RPSA2: variants seen among roughly 807,000 people sequenced by gnomAD.
The protein encoded by RPSA2 is small ribosomal subunit protein uS2B.
the RPSA2 span, among the ~76,000 whole-genome samples, chr19:23,851,607 T>A: frequency 0.011 from 1,705 of 152,304 alleles, 18 homozygotes; most frequent in Non-Finnish European, 0.017. Flanking sequence ...AGACAATATT[T>A]AAAGGTTTGG....
At chr19:23,852,871 A>G in the RPSA2 span, among the ~76,000 whole-genome samples, 1 of 152,256 alleles carries the variant, frequency 6.6e-6, no homozygotes, top group Non-Finnish European at 1.5e-5. Context: ...TACATTCTTT[A>G]TCAACTGCCA....
chr19:23,867,846 AAAG>A, the RPSA2 span, among the ~76,000 whole-genome samples: 1 of 151,818 alleles, frequency 6.6e-6, no homozygotes, highest in African/African-American at 2.4e-5. Flanking sequence ...AAAAAAAAAA[AAAG>A]GATTGGGACA....
At chr19:23,779,577 A>G in the RPSA2 span, among the ~76,000 whole-genome samples, 11 of 152,342 alleles carry the variant, frequency 7.2e-5, no homozygotes, top group Admixed American at 7.2e-4. Context: ...GAACCCTGTC[A>G]GAAGGAAAGA....
the RPSA2 span, among the ~76,000 whole-genome samples, chr19:23,838,509 T>G: frequency 1.3e-5 from 2 of 152,174 alleles, no homozygotes; most frequent in Non-Finnish European, 2.9e-5. Flanking sequence ...CTTCTTTGAA[T>G]TTCTGGTAGA....
the RPSA2 span, among the ~76,000 whole-genome samples, chr19:23,793,765 C>T: frequency 6.6e-6 from 1 of 151,972 alleles, no homozygotes; most frequent in African/African-American, 2.4e-5. Flanking sequence ...AGGATTTCAC[C>T]ATGTTGGCCA....
chr19:23,854,857 T>A, the RPSA2 span, among the ~76,000 whole-genome samples: 1 of 152,276 alleles, frequency 6.6e-6, no homozygotes, highest in East Asian at 1.9e-4. Flanking sequence ...CTTTAATATA[T>A]GCAGGCAACA....
the RPSA2 span, among the ~76,000 whole-genome samples, chr19:23,861,387 C>T: frequency 1.3e-5 from 2 of 152,132 alleles, no homozygotes; most frequent in Admixed American, 6.5e-5. Flanking sequence ...AGAGAGCCCC[C>T]CCACTACCCA....
At chr19:23,800,101 T>A in the RPSA2 span, among the ~76,000 whole-genome samples, 1 of 150,854 alleles carries the variant, frequency 6.6e-6, no homozygotes, top group Admixed American at 6.6e-5. Flanking sequence ...TGATCTCAGC[T>A]CTTTGCAACC....
At chr19:23,848,374 G>C in the RPSA2 span, among the ~76,000 whole-genome samples, 5 of 152,144 alleles carry the variant, frequency 3.3e-5, no homozygotes, top group East Asian at 9.7e-4. Context: ...GACTGGTCCA[G>C]CACACTAAAA....
the RPSA2 span, among the ~76,000 whole-genome samples, chr19:23,830,887 T>C: frequency 6.6e-6 from 1 of 152,316 alleles, no homozygotes. Context: ...CCTGTCAAAA[T>C]CTTTATAATG....
At chr19:23,863,197 C>A in the RPSA2 span, among the ~76,000 whole-genome samples, 1 of 152,136 alleles carries the variant, frequency 6.6e-6, no homozygotes, top group African/African-American at 2.4e-5. Context: ...GCAAACTTGG[C>A]TAAGAAATGC....
chr19:23,759,681 G>A, the RPSA2 span, among the ~76,000 whole-genome samples: 1 of 151,744 alleles, frequency 6.6e-6, no homozygotes, highest in East Asian at 1.9e-4. Flanking sequence ...GTGCCACCAT[G>A]CCCGGCTAAT....
the RPSA2 span, among the ~76,000 whole-genome samples, chr19:23,807,648 CAGAGTT>C: frequency 2.6e-5 from 4 of 151,750 alleles, no homozygotes; most frequent in Admixed American, 1.3e-4. Flanking sequence ...TCTCTTTTCT[CAGAGTT>C]AGAGAATACA....
At chr19:23,855,370 C>G in the RPSA2 span, among the ~76,000 whole-genome samples, 1 of 152,076 alleles carries the variant, frequency 6.6e-6, no homozygotes, top group African/African-American at 2.4e-5. Context: ...TCTGTAATAC[C>G]ATTTTAGCAT....
chr19:23,856,149 G>C, the RPSA2 span, among the ~76,000 whole-genome samples: 1 of 151,946 alleles, frequency 6.6e-6, no homozygotes, highest in African/African-American at 2.4e-5. Context: ...GTAGAGAGAG[G>C]GTTGCCAGAT....
At chr19:23,837,183 GT>G in the RPSA2 span, among the ~76,000 whole-genome samples, 8 of 152,184 alleles carry the variant, frequency 5.3e-5, no homozygotes, top group Middle Eastern at 3.4e-3. Flanking sequence ...TGAGGATCCA[GT>G]TTTATTCTCC....
chr19:23,851,325 T>C, the RPSA2 span, among the ~76,000 whole-genome samples: 8 of 152,176 alleles, frequency 5.3e-5, no homozygotes, highest in Non-Finnish European at 1.0e-4. Context: ...AGAGCAAATT[T>C]ATCTTTTAAT....
the RPSA2 span, chr19:23,832,412 C>A: frequency 2.0e-6 from 1 of 506,288 alleles, no homozygotes; most frequent in Non-Finnish European, 4.0e-6. Flanking sequence ...TGTGGCAAAG[C>A]ATTAATTCAA....
At chr19:23,856,630 GA>G in the RPSA2 span, among the ~76,000 whole-genome samples, 1 of 152,240 alleles carries the variant, frequency 6.6e-6, no homozygotes, top group East Asian at 1.9e-4. Context: ...GATATTGGGG[GA>G]ACTTGCCCCC....
Sources: gnomAD v4.1 joint callset for allele counts (sites outside exome capture counted in the v4.1 genomes callset) on GRCh38, gnomAD v4.1.1 for gene constraint, MANE v1.5 for transcripts, NCBI Gene and HGNC (gene_info 2026-07-23, HGNC 2026-07-21) for gene names.